Variants in SYTL3 observed in about 807,000 individuals in gnomAD.
SYTL3 encodes the protein synaptotagmin-like protein 3.
A neutral mutation model predicts 82.1 loss-of-function variants in SYTL3; 88 were observed. The ratio of observed to expected loss-of-function variants is 1.07; its 90% confidence interval spans 0.90 to 1.28. The LOEUF (loss-of-function observed/expected upper bound fraction) is 1.28, where lower values mean the gene tolerates loss of function less well. Among genes scored for constraint, SYTL3 ranks in the 50% most tolerant of loss-of-function variants. The pLI is 0.00. For missense variants in SYTL3, 831 were observed against 757.6 expected (o/e 1.10, Z -1.14); for synonymous variants, 311 against 289.4 (o/e 1.07, Z -0.76).
intron 5 of SYTL3, among the ~76,000 whole-genome samples, chr6:158,676,042 TG>T (rs1777993928): frequency 6.6e-6 from 1 of 152,156 alleles, no homozygotes; most frequent in Admixed American, 6.5e-5. Flanking sequence ...TTCACAGAAT[TG>T]GAAAAAACTA....
intron 6 of SYTL3, among the ~76,000 whole-genome samples, chr6:158,690,766 C>G (rs895540697): frequency 6.6e-6 from 1 of 152,064 alleles, no homozygotes; most frequent in African/African-American, 2.4e-5. Flanking sequence ...GTTTTGTGGT[C>G]TTAAAATAAT....
At chr6:158,683,309 C>G (rs1475233005) in intron 6 of SYTL3, among the ~76,000 whole-genome samples, 1 of 148,990 alleles carries the variant, frequency 6.7e-6, no homozygotes, top group African/African-American at 2.5e-5. Flanking sequence ...CAACCTCCAT[C>G]TCCTAGGTTT....
chr6:158,696,192 A>G (rs777713541), intron 6 of SYTL3, among the ~76,000 whole-genome samples: 1 of 151,404 alleles, frequency 6.6e-6, no homozygotes, highest in African/African-American at 2.4e-5. Flanking sequence ...CCACACTAAC[A>G]CTTATTTTAT....
intron 13 of SYTL3, among the ~76,000 whole-genome samples, chr6:158,757,003 C>T (rs1014808506): frequency 2.0e-5 from 3 of 151,150 alleles, no homozygotes; most frequent in Non-Finnish European, 4.4e-5. Context: ...AGAGAGGACC[C>T]CCCCGCCCCA....
At chr6:158,669,979 T>C (rs757164401) in intron 5 of SYTL3, among the ~76,000 whole-genome samples, 10 of 152,216 alleles carry the variant, frequency 6.6e-5, no homozygotes, top group Non-Finnish European at 1.3e-4. Flanking sequence ...GTTGTTGTCA[T>C]TCAGCATTTC....
intron 11 of SYTL3, among the ~76,000 whole-genome samples, chr6:158,732,694 A>G (rs1785563480): frequency 6.6e-6 from 1 of 152,194 alleles, no homozygotes; most frequent in East Asian, 1.9e-4. Context: ...GGCGTACCTT[A>G]AAGACTTAAT....
intron 16 of SYTL3, 141 bp downstream of exon 16, chr6:158,762,319 T>C (rs9347251): frequency 0.43 from 262,390 of 614,090 alleles, 59,552 homozygotes; most frequent in Non-Finnish European, 0.48. Flanking sequence ...TAACAACACA[T>C]ATTAAAGACC....
chr6:158,740,034 T>A (rs1786730888), intron 11 of SYTL3, among the ~76,000 whole-genome samples: 1 of 146,802 alleles, frequency 6.8e-6, no homozygotes, highest in Non-Finnish European at 1.5e-5. Flanking sequence ...TCTCACTCTG[T>A]CACCTAGGCT....
In SYTL3 at chr6:158,762,107, T is replaced by G. The variant is rs923069553; in HGVS notation, c.1446T>G (p.Leu482=). 3 of 1,613,558 alleles carry G rather than the reference T, an allele frequency of 1.9e-6. No individual in the cohort carries two copies. The highest frequency in any genetic ancestry group is 1.7e-4 in the Middle Eastern group (1 of 6,058). The change falls in exon 16 of 18, where the codon CTT becomes CTG. Residue 482 remains leucine (L), a synonymous_variant. Transcript: ENST00000611299. ...GTDQPSLHGQ[L]CLVVLGAKNL... ...ATCAGCCATCACTTCATGGTCAACT[T>G]TGTTTGGTAGTGCTAGGAGCCAAGA... is the stretch of plus-strand genomic sequence containing the variant.
intron 14 of SYTL3, 116 bp downstream of exon 14, chr6:158,757,497 T>C (rs1789287362): frequency 8.7e-7 from 1 of 1,149,364 alleles, no homozygotes; most frequent in East Asian, 2.4e-5. Flanking sequence ...CAAGACTGTG[T>C]GTTCGCCGGC....
chr6:158,711,410 T>C (rs1562408455), intron 8 of SYTL3, among the ~76,000 whole-genome samples: 1 of 152,080 alleles, frequency 6.6e-6, no homozygotes, highest in South Asian at 2.1e-4. Flanking sequence ...ACTAGGGGAA[T>C]TGGCTCACGT....
intron 6 of SYTL3, among the ~76,000 whole-genome samples, chr6:158,691,769 A>G (rs991693098): frequency 6.6e-6 from 1 of 151,026 alleles, no homozygotes; most frequent in African/African-American, 2.4e-5. Context: ...CTCCTGCCTC[A>G]GCCTCCTGAG....
chr6:158,654,944 C>T (rs1788494958), intron 2 of SYTL3, among the ~76,000 whole-genome samples: 2 of 152,146 alleles, frequency 1.3e-5, no homozygotes, highest in African/African-American at 2.4e-5. Flanking sequence ...AAAACAAAGA[C>T]AGGCACCATT....
intron 4 of SYTL3, 93 bp from the exon 5 acceptor site, chr6:158,665,302 C>T: frequency 1.6e-6 from 2 of 1,238,198 alleles, no homozygotes; most frequent in Non-Finnish European, 2.3e-6. Context: ...AGCCCCTTCC[C>T]TTGCCATGGG....
At chr6:158,713,754 A>T (rs1562411479) in intron 8 of SYTL3, 46 bp from the exon 9 acceptor site, 12 of 1,408,590 alleles carry the variant, frequency 8.5e-6, no homozygotes, top group Non-Finnish European at 1.2e-5. Context: ...GGCAAACACA[A>T]GTCATCAAGC....
intron 10 of SYTL3, among the ~76,000 whole-genome samples, chr6:158,725,105 CT>C (rs1318505718): frequency 2.0e-5 from 3 of 149,976 alleles, no homozygotes; most frequent in Non-Finnish European, 3.0e-5. Flanking sequence ...TGATTTTTCC[CT>C]TTTTATAAGC....
intron 5 of SYTL3, among the ~76,000 whole-genome samples, chr6:158,682,295 A>G (rs1027350698): frequency 1.3e-5 from 2 of 152,030 alleles, no homozygotes; most frequent in African/African-American, 2.4e-5. Flanking sequence ...ATTTGTTCAC[A>G]AAATATTAAG....
Position 158,712,759 on chromosome 6 carries a change from C to CT in SYTL3, c.517-1024dup, listed in dbSNP as rs56677894. On this transcript the variant is annotated intron_variant, in intron 8 of 17. Coordinates refer to ENST00000611299, the MANE Select transcript of SYTL3 (RefSeq NM_001242394.2). The stretch of plus-strand genomic sequence containing the variant: ...TACATTCTTTTTCTTTTCTTTCTTT[C>CT]TTTTTTTTTTTTTTTTTGAGACAGA... Among the ~76,000 whole-genome samples the CT allele has an allele frequency of 7.3e-3, 930 of 127,616 alleles. 15 individuals carry two copies. Among genetic ancestry groups the CT allele is most frequent in the East Asian group, 0.063 (297 of 4,738 alleles). The allele number at this position is 127,616 out of a possible 152,430, so 83.7% of individuals were successfully genotyped here.
intron 10 of SYTL3, among the ~76,000 whole-genome samples, chr6:158,720,851 C>G (rs907549280): frequency 2.0e-5 from 3 of 152,176 alleles, no homozygotes; most frequent in Middle Eastern, 3.2e-3. Flanking sequence ...TGTCCACGCC[C>G]CAGAGGTGAG....
Sources: allele counts gnomAD v4.1 joint callset (sites outside exome capture counted in the v4.1 genomes callset), GRCh38; gene constraint gnomAD v4.1.1; transcripts MANE v1.5; gene names NCBI Gene and HGNC (gene_info 2026-07-23, HGNC 2026-07-21).